Variants in CNTNAP2 observed in about 807,000 individuals in gnomAD.
The protein encoded by CNTNAP2 is contactin associated protein 2, also known as contactin-associated protein-like 2.
A neutral mutation model predicts 155.2 loss-of-function variants in CNTNAP2; 98 were observed. That is an observed-to-expected ratio of 0.63 (90% CI 0.54 to 0.75). CNTNAP2 has a LOEUF of 0.75. CNTNAP2 is among the 30% of genes least tolerant of loss of function. CNTNAP2 has a pLI of 0.00. For synonymous variants in CNTNAP2, 651 were observed against 631.2 expected, an observed-to-expected ratio of 1.03 and a Z score of -0.47; for missense variants, 1,727 against 1,688.1, an observed-to-expected ratio of 1.02 and a Z score of -0.40.
chr7:147,340,636 A>T (rs2116858816), intron 9 of CNTNAP2, among the ~76,000 whole-genome samples: 1 of 152,248 alleles, frequency 6.6e-6, no homozygotes, highest in East Asian at 1.9e-4. Context: ...AGTTTATCTT[A>T]TATGTCCTAA....
chr7:148,188,777 T>C (rs1795160332), intron 18 of CNTNAP2, among the ~76,000 whole-genome samples: 1 of 152,228 alleles, frequency 6.6e-6, no homozygotes, highest in African/African-American at 2.4e-5. Flanking sequence ...ATTATGTACA[T>C]AGTATTAGCA....
intron 1 of CNTNAP2, among the ~76,000 whole-genome samples, chr7:146,705,031 C>A (rs1162819952): frequency 1.3e-5 from 2 of 152,104 alleles, no homozygotes; most frequent in African/African-American, 2.4e-5. Context: ...GGCCTCTTTG[C>A]TAAAAGGATT....
intron 6 of CNTNAP2, among the ~76,000 whole-genome samples, chr7:147,124,917 TATC>T (rs1426624337): frequency 1.2e-4 from 17 of 142,120 alleles, no homozygotes; most frequent in African/African-American, 4.5e-4. Context: ...AGTCTTGCTC[TATC>T]ACTAGGCTGG....
chr7:147,626,583 A>G (rs1343487527), intron 12 of CNTNAP2, among the ~76,000 whole-genome samples: 2 of 152,140 alleles, frequency 1.3e-5, no homozygotes, highest in African/African-American at 2.4e-5. Context: ...TGGGAGCTTT[A>G]TGGCCCTGCC....
intron 1 of CNTNAP2, among the ~76,000 whole-genome samples, chr7:146,218,231 C>T (rs1161911526): frequency 6.6e-6 from 1 of 152,126 alleles, no homozygotes; most frequent in Non-Finnish European, 1.5e-5. Context: ...TGCCATCGGC[C>T]GGGCGCGGTG....
intron 1 of CNTNAP2, among the ~76,000 whole-genome samples, chr7:146,243,452 C>T (rs1358940660): frequency 6.6e-6 from 1 of 151,962 alleles, no homozygotes; most frequent in Non-Finnish European, 1.5e-5. Flanking sequence ...GCAATACTTT[C>T]TGATTTGAAA....
chr7:146,829,505 G>T lies in CNTNAP2; in HGVS notation c.209-10206G>T, dbSNP rs528396977. Among the ~76,000 whole-genome samples the T allele has an allele frequency of 4.6e-5, 7 of 152,174 alleles. No individual in the cohort carries two copies. In the East Asian group the frequency reaches 1.3e-3, roughly 29 times the overall value. The stretch of plus-strand genomic sequence containing the variant: ...TTAAATTCCAGAATGGAAAGAACTT[G>T]TAGTAAAATGATTAGGCTATGAACA... On this transcript the variant is annotated intron_variant, in intron 2 of 23. Transcript: ENST00000361727.
At chr7:146,723,566 T>C (rs1427566085) in intron 1 of CNTNAP2, among the ~76,000 whole-genome samples, 2 of 152,160 alleles carry the variant, frequency 1.3e-5, no homozygotes, top group African/African-American at 4.8e-5. Flanking sequence ...TTACATTCAA[T>C]TAATAAACTA....
intron 3 of CNTNAP2, among the ~76,000 whole-genome samples, chr7:147,006,671 T>A (rs1798530700): frequency 6.6e-6 from 1 of 152,146 alleles, no homozygotes; most frequent in African/African-American, 2.4e-5. Context: ...AGTTTTAAAG[T>A]GTGTGATAAT....
chr7:147,395,901 AC>A, intron 10 of CNTNAP2, 121 bp downstream of exon 10: 1 of 1,088,660 alleles, frequency 9.2e-7, no homozygotes, highest in Middle Eastern at 2.2e-4. Flanking sequence ...GGTGGAAATT[AC>A]CATTCAAAGT....
At chr7:146,183,634 A>AATAATG (rs1344113802) in intron 1 of CNTNAP2, among the ~76,000 whole-genome samples, 1 of 150,940 alleles carries the variant, frequency 6.6e-6, no homozygotes, top group Non-Finnish European at 1.5e-5. Context: ...TAATAATAAT[A>AATAATG]ATAATAAATG....
chr7:146,240,893 G>A (rs1799549357), intron 1 of CNTNAP2, among the ~76,000 whole-genome samples: 1 of 152,168 alleles, frequency 6.6e-6, no homozygotes, highest in East Asian at 1.9e-4. Flanking sequence ...TCTGCACGCT[G>A]TACAAGTACG....
rs140422082 is a variant in CNTNAP2, at chr7:146,229,268, A to T, written c.97+112295A>T. 1.6e-4 allele frequency among the ~76,000 whole-genome samples: 25 copies of T among 152,332 alleles called. No individual in the cohort carries two copies. The East Asian group carries it at 2.7e-3, about 16-fold the overall frequency. On this transcript the variant is annotated intron_variant, in intron 1 of 23. Transcript: ENST00000361727. ...ACTGGAATGTCAGAAAACACTAAGA[A>T]CATTCTGTTTCAGTGGTATACAAAC...
intron 21 of CNTNAP2, among the ~76,000 whole-genome samples, chr7:148,349,559 G>A (rs1798390561): frequency 6.6e-6 from 1 of 151,802 alleles, no homozygotes; most frequent in African/African-American, 2.4e-5. Context: ...CCGTCACCAT[G>A]CCCGGCTAAT....
chr7:147,732,890 T>A (rs1300257784), intron 13 of CNTNAP2, among the ~76,000 whole-genome samples: 1 of 152,194 alleles, frequency 6.6e-6, no homozygotes, highest in Non-Finnish European at 1.5e-5. Flanking sequence ...TGTTTGTTGT[T>A]TTCTTGTAAA....
At chr7:147,514,311 A>T (rs566821768) in intron 11 of CNTNAP2, among the ~76,000 whole-genome samples, 10 of 152,184 alleles carry the variant, frequency 6.6e-5, no homozygotes, top group African/African-American at 2.2e-4. Context: ...ATAGATGTAG[A>T]TAGATTTTTA....
chr7:147,085,232 GGCTGGGAAA>G (rs1800247437), intron 4 of CNTNAP2, among the ~76,000 whole-genome samples: 1 of 151,824 alleles, frequency 6.6e-6, no homozygotes, highest in Non-Finnish European at 1.5e-5. Context: ...CTTTTGCCTG[GGCTGGGAAA>G]ACTGTACTGT....
intron 1 of CNTNAP2, among the ~76,000 whole-genome samples, chr7:146,287,345 T>C (rs1378255761): frequency 6.6e-6 from 1 of 152,128 alleles, no homozygotes; most frequent in Non-Finnish European, 1.5e-5. Flanking sequence ...TAAATTAGCA[T>C]TGGAAGGCTT....
At chr7:146,629,570 T>C (rs1799477128) in intron 1 of CNTNAP2, among the ~76,000 whole-genome samples, 1 of 152,210 alleles carries the variant, frequency 6.6e-6, no homozygotes, top group South Asian at 2.1e-4. Flanking sequence ...TTATGGCATA[T>C]GATTTCCTGA....
Sources: gnomAD v4.1 joint callset for allele counts (sites outside exome capture counted in the v4.1 genomes callset) on GRCh38, gnomAD v4.1.1 for gene constraint, MANE v1.5 for transcripts, NCBI Gene and HGNC (gene_info 2026-07-23, HGNC 2026-07-21) for gene names.